Variants in GLIS3 observed in about 807,000 individuals in gnomAD.
GLIS3 encodes zinc finger protein GLIS3.
GLIS3 carries 53 observed loss-of-function variants against 78.6 expected under a neutral mutation model. That is an observed-to-expected ratio of 0.67 (90% CI 0.54 to 0.85). The LOEUF (loss-of-function observed/expected upper bound fraction) is 0.85. Ranked by LOEUF, GLIS3 falls within the 40% of genes least tolerant of loss-of-function variation. The probability of loss-of-function intolerance (pLI) is 0.00; values close to 1 mark genes in which losing one functional copy is unlikely to be tolerated. For synonymous variants in GLIS3, 684 were observed against 509.9 expected (o/e 1.34, Z -4.60); for missense variants, 1,703 against 1,231.1 (o/e 1.38, Z -5.74).
At chr9:4,180,317 C>T (rs913055863) in intron 2 of GLIS3, among the ~76,000 whole-genome samples, 2 of 152,160 alleles carry the variant, frequency 1.3e-5, no homozygotes, top group Admixed American at 6.5e-5. Context: ...TTCTTCCAAC[C>T]CTGCTCACCA....
intron 1 of GLIS3, among the ~76,000 whole-genome samples, chr9:4,297,704 AGAGAT>A (rs1297887845): frequency 9.2e-5 from 14 of 152,254 alleles, no homozygotes; most frequent in African/African-American, 3.1e-4. Context: ...TACATGCTCC[AGAGAT>A]GAGGGCCAAG....
chr9:4,026,269 C>T (rs1433186501), intron 4 of GLIS3, among the ~76,000 whole-genome samples: 4 of 152,214 alleles, frequency 2.6e-5, no homozygotes, highest in Admixed American at 2.0e-4. Flanking sequence ...AGACAGACTA[C>T]AGACCAGTCT....
At chr9:3,995,751 T>G (rs1820691481) in intron 4 of GLIS3, among the ~76,000 whole-genome samples, 1 of 151,906 alleles carries the variant, frequency 6.6e-6, no homozygotes, top group South Asian at 2.1e-4. Flanking sequence ...ATAAATTAAG[T>G]GGAATGCAGC....
At chr9:4,310,507 T>C (rs1435781438) in exon 3 of GLIS3, 1 of 152,184 alleles carries the variant, frequency 6.6e-6, no homozygotes, top group African/African-American at 2.4e-5. Flanking sequence ...CACTGCCGAT[T>C]TTTTGAATTT....
the GLIS3 span, among the ~76,000 whole-genome samples, chr9:4,361,373 T>C: frequency 6.6e-6 from 1 of 151,648 alleles, no homozygotes; most frequent in Non-Finnish European, 1.5e-5. Context: ...GTTAAACTTC[T>C]CCTTCTCCTT....
chr9:4,395,504 C>G, the GLIS3 span, among the ~76,000 whole-genome samples: 1 of 152,134 alleles, frequency 6.6e-6, no homozygotes, highest in Non-Finnish European at 1.5e-5. Context: ...GATGCTCTAG[C>G]TGAAGAAGAA....
chr9:3,982,310 G>A (rs899129277), intron 4 of GLIS3, among the ~76,000 whole-genome samples: 10 of 151,246 alleles, frequency 6.6e-5, no homozygotes, highest in Admixed American at 2.0e-4. Context: ...TGTATTAAAC[G>A]CAGCTCCTAT....
chr9:4,347,901 G>T (rs868511358), intron 1 of GLIS3, among the ~76,000 whole-genome samples: 6 of 152,152 alleles, frequency 3.9e-5, no homozygotes, highest in Admixed American at 2.6e-4. Flanking sequence ...GAACAATAGA[G>T]TGGAGTTTTA....
intron 4 of GLIS3, among the ~76,000 whole-genome samples, chr9:4,067,239 G>T (rs910615428): frequency 6.6e-6 from 1 of 150,900 alleles, no homozygotes; most frequent in Admixed American, 6.6e-5. Context: ...AAGTATAATA[G>T]AAAGTATAAT....
intron 2 of GLIS3, among the ~76,000 whole-genome samples, chr9:4,167,048 A>C (rs1815917647): frequency 6.6e-6 from 1 of 152,246 alleles, no homozygotes; most frequent in Non-Finnish European, 1.5e-5. Flanking sequence ...ACATTGACGC[A>C]AGTGGAGAAT....
the GLIS3 span, among the ~76,000 whole-genome samples, chr9:4,385,690 GAAAGAAAGAAAC>G: frequency 7.9e-4 from 77 of 98,072 alleles, 11 homozygotes; most frequent in African/African-American, 3.6e-3. Flanking sequence ...AAAGAAAAAA[GAAAGAAAGAAAC>G]AAAGAAAGGA....
intron 4 of GLIS3, among the ~76,000 whole-genome samples, chr9:4,080,633 C>A (rs540265634): frequency 1.3e-5 from 2 of 152,168 alleles, no homozygotes; most frequent in African/African-American, 4.8e-5. Flanking sequence ...ATATTATTTA[C>A]CTTTATTATT....
chr9:4,482,007 A>C, the GLIS3 span, among the ~76,000 whole-genome samples: 1 of 152,242 alleles, frequency 6.6e-6, no homozygotes, highest in African/African-American at 2.4e-5. Context: ...TATTGGTTTA[A>C]ACTTGTATTT....
chr9:4,432,822 G>A, the GLIS3 span, among the ~76,000 whole-genome samples: 1 of 151,702 alleles, frequency 6.6e-6, no homozygotes, highest in Non-Finnish European at 1.5e-5. Context: ...TGTATTTTTA[G>A]TAGAGATGCA....
intron 4 of GLIS3, among the ~76,000 whole-genome samples, chr9:3,994,265 T>C (rs1303714906): frequency 1.3e-5 from 2 of 152,196 alleles, no homozygotes; most frequent in Admixed American, 6.5e-5. Flanking sequence ...ACCCTTTACA[T>C]TGAAAAATAC....
At chr9:4,384,413 T>C in the GLIS3 span, among the ~76,000 whole-genome samples, 1 of 152,178 alleles carries the variant, frequency 6.6e-6, no homozygotes, top group East Asian at 1.9e-4. Flanking sequence ...ATATCAGCTT[T>C]GTGTTCTTTA....
chr9:3,960,448 T>A (rs1392179127), intron 4 of GLIS3, among the ~76,000 whole-genome samples: 1 of 152,242 alleles, frequency 6.6e-6, no homozygotes, highest in Admixed American at 6.5e-5. Flanking sequence ...TTTGCCACCA[T>A]CTGGAATTGT....
At chr9:3,980,507 C>G (rs755571820) in intron 4 of GLIS3, among the ~76,000 whole-genome samples, 4 of 152,136 alleles carry the variant, frequency 2.6e-5, no homozygotes, top group Non-Finnish European at 5.9e-5. Context: ...ACTGGTATTG[C>G]TTTGTTCGAG....
chr9:3,972,279 T>C (rs1588351979), intron 4 of GLIS3, among the ~76,000 whole-genome samples: 1 of 152,316 alleles, frequency 6.6e-6, no homozygotes, highest in East Asian at 1.9e-4. Flanking sequence ...TCTGTGCATA[T>C]GACAAATCAT....
Sources: allele counts gnomAD v4.1 joint callset (sites outside exome capture counted in the v4.1 genomes callset), GRCh38; gene constraint gnomAD v4.1.1; transcripts MANE v1.5; gene names NCBI Gene and HGNC (gene_info 2026-07-23, HGNC 2026-07-21).